TTC6: variants seen among roughly 807,000 people sequenced by gnomAD.
TTC6 encodes tetratricopeptide repeat domain 6, also known as tetratricopeptide repeat protein 6.
Under a neutral mutation model 210.4 loss-of-function variants are expected in TTC6, and 172 were observed. The observed-to-expected ratio is 0.82, with a 90% CI of 0.72 to 0.93. The LOEUF is 0.93. Ranked by LOEUF, TTC6 falls within the 40% of genes least tolerant of loss-of-function variation. The probability of loss-of-function intolerance (pLI) is 0.00; values close to 1 mark genes in which losing one functional copy is unlikely to be tolerated. For synonymous variants in TTC6, 804 were observed against 819.6 expected (o/e 0.98, Z 0.32); for missense variants, 2,414 against 2,318.1 (o/e 1.04, Z -0.85).
At chr14:37,596,088 T>C (rs2095603791) in intron 1 of TTC6, 80 bp downstream of exon 1, 1 of 151,962 alleles carries the variant, frequency 6.6e-6, no homozygotes, top group Admixed American at 6.5e-5. Flanking sequence ...TCTCCCCTTG[T>C]CATCTGTAGC....
intron 17 of TTC6, among the ~76,000 whole-genome samples, chr14:37,792,634 CT>C (rs201458147): frequency 1.2e-3 from 185 of 150,918 alleles, no homozygotes; most frequent in Middle Eastern, 6.8e-3. Flanking sequence ...AAAATAATAC[CT>C]TTTTTTTTCT....
intron 3 of TTC6, among the ~76,000 whole-genome samples, chr14:37,696,405 G>A (rs896944939): frequency 6.6e-6 from 1 of 152,036 alleles, no homozygotes; most frequent in African/African-American, 2.4e-5. Flanking sequence ...GGAAATAAGG[G>A]CAAGTTTTAT....
chr14:37,605,348 T>C (rs572444957), intron 1 of TTC6, among the ~76,000 whole-genome samples: 14 of 152,238 alleles, frequency 9.2e-5, no homozygotes, highest in Non-Finnish European at 1.3e-4. Context: ...AGTAAGTTTC[T>C]GAATTCTGCT....
intron 12 of TTC6, among the ~76,000 whole-genome samples, 194 bp from the exon 15 acceptor site, chr14:37,750,859 C>T (rs1366712090): frequency 6.6e-6 from 1 of 152,032 alleles, no homozygotes; most frequent in African/African-American, 2.4e-5. Context: ...CACTGCACTC[C>T]AGCCTTGGTG....
intron 7 of TTC6, among the ~76,000 whole-genome samples, chr14:37,735,103 T>C (rs1297191757): frequency 6.6e-6 from 1 of 152,192 alleles, no homozygotes; most frequent in Non-Finnish European, 1.5e-5. Flanking sequence ...ATCACTACTT[T>C]CTGAAAATAT....
intron 26 of TTC6, 22 bp from the exon 29 acceptor site, chr14:37,823,725 C>G: frequency 1.9e-6 from 3 of 1,600,204 alleles, no homozygotes; most frequent in Non-Finnish European, 2.6e-6. Context: ...CAGAAGGCAT[C>G]AATATTTTTA....
chr14:37,682,960 T>C, exon 3 of TTC6: 1 of 1,534,984 alleles, frequency 6.5e-7, no homozygotes, highest in East Asian at 2.4e-5. Context: ...TGGGTGTCTT[T>C]AACGGTAAGA....
rs17107163 is a variant in TTC6 at position 37,817,479 on chromosome 14, T to C, written c.4690-99T>C. Reference sequence around the variant, plus strand: ...CATGTATTTAGGAAGATGTATATCTTAATGCTTGTGTCATTGTGGAATCAC... The same window carrying C: ...CATGTATTTAGGAAGATGTATATCTCAATGCTTGTGTCATTGTGGAATCAC... On this transcript the variant is annotated intron_variant, in intron 25 of 30. Coordinates refer to ENST00000553443, the Ensembl canonical transcript of TTC6. 4,492 of 991,504 alleles carry C rather than the reference T, an allele frequency of 4.5e-3. 56 individuals are homozygous for C. Among genetic ancestry groups the C allele is most frequent in the African/African-American group, 0.04 (2,479 of 62,308 alleles). The allele number at this position is 991,504 out of a possible 1,614,324, so 61.4% of individuals were successfully genotyped here.
exon 29 of TTC6, chr14:37,827,350 A>G (rs139644607): frequency 6.8e-6 from 11 of 1,612,260 alleles, no homozygotes; most frequent in Admixed American, 5.0e-5. Flanking sequence ...TACTTTCACC[A>G]CAGGCAGTTT....
At chr14:37,774,565 C>T (rs1313253045) in intron 14 of TTC6, among the ~76,000 whole-genome samples, 1 of 152,108 alleles carries the variant, frequency 6.6e-6, no homozygotes, top group African/African-American at 2.4e-5. Flanking sequence ...TGTAAACAAC[C>T]TTGCATCTCA....
rs2095609239 is a variant in TTC6, at chr14:37,598,668, T to C, written c.-235+2660T>C. On this transcript the variant is annotated intron_variant, in intron 1 of 2. Transcript: ENST00000556845. This position sits in a 1 kb window ranked among gnomAD's most constrained non-coding sequence, Gnocchi z 4.9. ...GAAGGAGAGGCCGCGGCCTCGGGCCTCGGGCCCCGGGCCCAGACGGCGGCC... is the reference window on the plus strand; with the variant it reads ...GAAGGAGAGGCCGCGGCCTCGGGCCCCGGGCCCCGGGCCCAGACGGCGGCC... Among the ~76,000 whole-genome samples, 1 of 152,114 alleles carries C rather than the reference T, an allele frequency of 6.6e-6. No homozygotes were observed. Among genetic ancestry groups the C allele is most frequent in the Admixed American group, 6.5e-5 (1 of 15,286 alleles).
intron 28 of TTC6, among the ~76,000 whole-genome samples, chr14:37,826,972 C>A (rs994351639): frequency 6.6e-6 from 1 of 152,042 alleles, no homozygotes; most frequent in Non-Finnish European, 1.5e-5. Flanking sequence ...AGTGAAAAAA[C>A]ACTAAGATTA....
intron 14 of TTC6, among the ~76,000 whole-genome samples, chr14:37,760,104 T>C (rs2095979633): frequency 6.6e-6 from 1 of 152,208 alleles, no homozygotes; most frequent in Non-Finnish European, 1.5e-5. Flanking sequence ...TTTTCAGCTT[T>C]TTTGCACTGG....
chr14:37,784,058 G>A (rs1306882272), intron 14 of TTC6, among the ~76,000 whole-genome samples: 2 of 152,156 alleles, frequency 1.3e-5, no homozygotes, highest in Non-Finnish European at 2.9e-5. Flanking sequence ...GAACTGTGTG[G>A]TCAATTTTGG....
intron 2 of TTC6, among the ~76,000 whole-genome samples, chr14:37,611,623 C>T (rs1306055436): frequency 1.3e-5 from 2 of 152,008 alleles, no homozygotes; most frequent in Non-Finnish European, 2.9e-5. Flanking sequence ...GAGGTAGGTG[C>T]ACGACGCCCC....
chr14:37,614,623 G>A (rs1011678693), intron 2 of TTC6, among the ~76,000 whole-genome samples: 4 of 148,684 alleles, frequency 2.7e-5, no homozygotes, highest in African/African-American at 4.9e-5. Context: ...ATTCCTATCC[G>A]CTGGTGAGTA....
chr14:37,833,089 TG>T (rs1397906935), intron 29 of TTC6, among the ~76,000 whole-genome samples: 1 of 150,996 alleles, frequency 6.6e-6, no homozygotes, highest in Non-Finnish European at 1.5e-5. Context: ...ATTCTGCAGC[TG>T]TTGGATGAAA....
At chr14:37,772,167 A>G (rs967702659) in intron 14 of TTC6, among the ~76,000 whole-genome samples, 14 of 152,152 alleles carry the variant, frequency 9.2e-5, no homozygotes, top group Admixed American at 2.0e-4. Flanking sequence ...CCGTTCTCAG[A>G]TCTCCAGCTG....
chr14:37,698,394 A>G (rs915619678), intron 4 of TTC6, among the ~76,000 whole-genome samples: 1 of 152,200 alleles, frequency 6.6e-6, no homozygotes, highest in Non-Finnish European at 1.5e-5. Context: ...TAAAGAAAAT[A>G]TAAAAATCAG....
Sources: allele counts gnomAD v4.1 joint callset (sites outside exome capture counted in the v4.1 genomes callset), GRCh38; gene constraint gnomAD v4.1.1; non-coding constraint Gnocchi (gnomAD v3.1); transcripts MANE v1.5; gene names NCBI Gene and HGNC (gene_info 2026-07-23, HGNC 2026-07-21).